Variants in KHDRBS1 observed in about 807,000 individuals in gnomAD.
KHDRBS1 encodes KH RNA binding domain containing, signal transduction associated 1.
KHDRBS1 carries 7 observed loss-of-function variants against 48.4 expected under a neutral mutation model. The ratio of observed to expected loss-of-function variants is 0.14; its 90% CI spans 0.08 to 0.27. The LOEUF (loss-of-function observed/expected upper bound fraction) is 0.27. KHDRBS1 is among the 10% of genes least tolerant of loss of function. The probability of loss-of-function intolerance (pLI) is 1.00; values close to 1 mark genes in which losing one functional copy is unlikely to be tolerated. For synonymous variants in KHDRBS1, 241 were observed against 235.8 expected, an observed-to-expected ratio of 1.02 and a Z score of -0.20; for missense variants, 458 against 601.2, an observed-to-expected ratio of 0.76 and a Z score of 2.49.
chr1:32,055,781 TC>T (rs1569828049), intron 10 of KHDRBS1, among the ~76,000 whole-genome samples: 2 of 152,002 alleles, frequency 1.3e-5, no homozygotes, highest in East Asian at 3.9e-4. Context: ...TGCTCTCGGC[TC>T]CTAAGGAGGC....
intron 10 of KHDRBS1, among the ~76,000 whole-genome samples, chr1:32,053,301 T>TAA (rs1393906411): frequency 6.6e-6 from 1 of 152,180 alleles, no homozygotes; most frequent in Non-Finnish European, 1.5e-5. Context: ...GCATTTAAGT[T>TAA]ACAATTTAAA....
chr1:32,041,627 T>C (rs1639285224), intron 8 of KHDRBS1, among the ~76,000 whole-genome samples: 1 of 141,612 alleles, frequency 7.1e-6, no homozygotes. Context: ...TCTGGCTCTG[T>C]TGTCCAGGCT....
chr1:32,039,939 G>A (rs529206824), intron 8 of KHDRBS1, among the ~76,000 whole-genome samples: 5 of 151,916 alleles, frequency 3.3e-5, no homozygotes, highest in Admixed American at 6.6e-5. Flanking sequence ...CTTTGCTGCC[G>A]ATATCTAGGC....
intron 1 of KHDRBS1, among the ~76,000 whole-genome samples, chr1:32,026,079 A>G (rs1034354982): frequency 6.6e-6 from 1 of 151,644 alleles, no homozygotes; most frequent in Non-Finnish European, 1.5e-5. Context: ...ACTGTGCCCA[A>G]CCAGTCCTTT....
At chr1:32,046,200 GT>G (rs1204145987), downstream of KHDRBS1, among the ~76,000 whole-genome samples, 3 of 149,636 alleles carry the variant, frequency 2.0e-5, no homozygotes, top group African/African-American at 7.4e-5. Context: ...TTTTTTTTTG[GT>G]TTTTTTGGTT....
rs925306912 is a variant in KHDRBS1, at chr1:32,014,249, C to T, written c.254C>T (p.Pro85Leu). The change falls in exon 1 of 9, where the codon CCG becomes CTG. Residue 85 changes from proline to leucine, a missense_variant. Around this residue, in one of 3 missense-constraint regions of KHDRBS1, gnomAD observed 213 missense variants for 215.6 expected, o/e 0.99. Coordinates refer to ENST00000327300, the MANE Select transcript of KHDRBS1 (RefSeq NM_006559.3). ...DATVGGPAPT[P>L]LLPPSATASV... ...ACAGTGGGCGGGCCAGCGCCGACCC[C>T]GCTGCTGCCCCCCTCGGCCACAGCC... is the stretch of plus-strand genomic sequence containing the variant. 4 of 1,535,128 alleles carry T rather than the reference C, an allele frequency of 2.6e-6. No individual in the cohort carries two copies. Among genetic ancestry groups the T allele is most frequent in the South Asian group, 1.2e-5 (1 of 82,336 alleles).
chr1:32,014,309 C>A lies in KHDRBS1; in HGVS notation c.314C>A (p.Pro105His). ...VKMEPENKYL[P>H]ELMAEKDSLD... ...ATGGAGCCAGAGAACAAGTACCTGC[C>A]CGAACTCATGGCCGAGAAGGACTCG... The change falls in exon 1 of 9, where the codon CCC (proline) becomes CAC (histidine). Residue 105 changes from proline to histidine, a missense_variant. Physicochemically the swap from Pro to His is moderately conservative, Grantham distance 77. This residue lies in a region of KHDRBS1 where 213 missense variants were observed against 215.6 expected (regional missense o/e 0.99). Transcript: ENST00000327300. The A allele has an allele frequency of 6.4e-7, 1 of 1,559,232 alleles. No individual in the cohort carries two copies. Among genetic ancestry groups the A allele is most frequent in the Non-Finnish European group, 8.7e-7 (1 of 1,152,616 alleles).
intron 7 of KHDRBS1, 134 bp downstream of exon 7, chr1:32,038,753 C>T (rs1639231797): frequency 1.3e-6 from 1 of 754,080 alleles, no homozygotes; most frequent in Admixed American, 2.2e-5. Context: ...CTCTGCAACC[C>T]CCACAGTCCT....
At position 32,042,645 on chromosome 1, in the gene KHDRBS1, T is replaced by TA. The variant is rs759585178; in HGVS notation, c.*22dup. On this transcript the variant is annotated 3_prime_UTR_variant, in exon 9 of 9. Coordinates refer to ENST00000327300, the MANE Select transcript of KHDRBS1 (RefSeq NM_006559.3). The stretch of plus-strand genomic sequence containing the variant: ...ATTAAAAACAAACATGAGGGGAAAA[T>TA]ATCAGTTATGAGCAAAGTTGTTACT... 5.5e-6 allele frequency: 8 copies of TA among 1,450,822 alleles called. No individual in the cohort carries two copies. The highest frequency in any genetic ancestry group is 6.8e-6 in the Non-Finnish European group (7 of 1,032,508). The allele number at this position is 1,450,822 out of a possible 1,614,324, so 89.9% of individuals were successfully genotyped here.
chr1:32,033,450 C>T lies in KHDRBS1; in HGVS notation c.771+116C>T. 2.9e-6 allele frequency: 4 copies of T among 1,364,724 alleles called. No individual in the cohort carries two copies. In the South Asian group the frequency reaches 5.9e-5, roughly 20 times the overall value. 84.5% of individuals were successfully genotyped at this position (1,364,724 alleles called of 1,614,324 possible). Reference sequence around the variant, plus strand: ...GCATAACCTGTATGTATACCAAATTCTGCACTTATGTTCATTTTCCTTAGG... The same window carrying T: ...GCATAACCTGTATGTATACCAAATTTTGCACTTATGTTCATTTTCCTTAGG... On this transcript the variant is annotated intron_variant, in intron 4 of 8. Transcript: ENST00000327300.
chr1:32,048,180 A>G (rs1242904468), downstream of KHDRBS1, among the ~76,000 whole-genome samples: 1 of 152,190 alleles, frequency 6.6e-6, no homozygotes, highest in Non-Finnish European at 1.5e-5. Flanking sequence ...AGGTATTTGA[A>G]GATCATTTTC....
At chr1:32,035,257 T>A (rs1366807353) in intron 4 of KHDRBS1, among the ~76,000 whole-genome samples, 2 of 152,040 alleles carry the variant, frequency 1.3e-5, no homozygotes, top group African/African-American at 4.8e-5. Context: ...GAGATGTGGG[T>A]TTCCTCAGTG....
At chr1:32,034,872 T>G (rs1338325848) in intron 4 of KHDRBS1, among the ~76,000 whole-genome samples, 1 of 151,114 alleles carries the variant, frequency 6.6e-6, no homozygotes, top group African/African-American at 2.4e-5. Context: ...TCCCAGCTAA[T>G]CGGGAGGCTG....
At position 32,042,658 on chromosome 1, in the gene KHDRBS1, C is replaced by A; in HGVS notation, c.*34C>A. ...ATGAGGGGAAAATATCAGTTATGAG[C>A]AAAGTTGTTACTGATTTCTTGTATC... On this transcript the variant is annotated 3_prime_UTR_variant, in exon 9 of 9. Coordinates refer to ENST00000327300, the MANE Select transcript of KHDRBS1 (RefSeq NM_006559.3). 2 of 1,299,412 alleles carry A rather than the reference C, an allele frequency of 1.5e-6. No homozygotes were observed. Among genetic ancestry groups the A allele is most frequent in the Non-Finnish European group, 1.1e-6 (1 of 897,356 alleles). The allele number at this position is 1,299,412 out of a possible 1,614,324, so 80.5% of individuals were successfully genotyped here.
Position 32,042,632 on chromosome 1 carries a change from CATG to C in KHDRBS1, c.*10_*12del, listed in dbSNP as rs770724040. 6.5e-7 allele frequency: 1 copy of C among 1,545,102 alleles called. No individual in the cohort carries two copies. Among genetic ancestry groups the C allele is most frequent in the South Asian group, 1.1e-5 (1 of 89,534 alleles). Reference sequence around the variant, plus strand: ...CCATATGGACGTTATTAAAAACAAACATGAGGGGAAAATATCAGTTATGAGCAA... The same window carrying C: ...CCATATGGACGTTATTAAAAACAAACAGGGGAAAATATCAGTTATGAGCAA... On this transcript the variant is annotated 3_prime_UTR_variant, in exon 9 of 9. Transcript: ENST00000327300.
At chr1:32,040,429 C>T (rs1639261655) in intron 8 of KHDRBS1, among the ~76,000 whole-genome samples, 1 of 151,986 alleles carries the variant, frequency 6.6e-6, no homozygotes, top group African/African-American at 2.4e-5. Context: ...AAAATAGTGC[C>T]TATTAGAATC....
chr1:32,028,180 A>C (rs1202604083), intron 1 of KHDRBS1, among the ~76,000 whole-genome samples: 2 of 152,176 alleles, frequency 1.3e-5, no homozygotes. Flanking sequence ...TGTTTGAGGT[A>C]GGGTGTCTTT....
chr1:32,045,610 T>C (rs2124394539), downstream of KHDRBS1, among the ~76,000 whole-genome samples: 1 of 152,350 alleles, frequency 6.6e-6, no homozygotes, highest in East Asian at 1.9e-4. Flanking sequence ...TGAATCCCAC[T>C]CTGTTTATCC....
chr1:32,042,114 C>T (rs1639292460), intron 8 of KHDRBS1, among the ~76,000 whole-genome samples: 1 of 152,164 alleles, frequency 6.6e-6, no homozygotes, highest in African/African-American at 2.4e-5. Context: ...GAAGTCTTCC[C>T]ACCTTACCTG....
Sources: gnomAD v4.1 joint callset for allele counts (sites outside exome capture counted in the v4.1 genomes callset) on GRCh38, gnomAD v4.1.1 for gene constraint, gnomAD v4.1.1 regional missense constraint, MANE v1.5 for transcripts, NCBI Gene and HGNC (gene_info 2026-07-23, HGNC 2026-07-21) for gene names.